MYO1D: variants seen among roughly 807,000 people sequenced by gnomAD.
The protein encoded by MYO1D is unconventional myosin-Id.
Under a neutral mutation model 122.0 loss-of-function variants are expected in MYO1D, and 83 were observed. That is an observed-to-expected ratio of 0.68 (90% CI 0.57 to 0.82). The LOEUF (loss-of-function observed/expected upper bound fraction) is 0.82. MYO1D is among the 40% of genes least tolerant of loss of function. MYO1D has a pLI of 0.00. For synonymous variants in MYO1D, 464 were observed against 446.9 expected (o/e 1.04, Z -0.48); for missense variants, 1,157 against 1,269.5 (o/e 0.91, Z 1.35).
intron 16 of MYO1D, among the ~76,000 whole-genome samples, chr17:32,706,790 G>A (rs1303478617): frequency 1.3e-5 from 2 of 151,930 alleles, no homozygotes; most frequent in Non-Finnish European, 2.9e-5. Flanking sequence ...TCCGCCTCCC[G>A]GGTTCACGCC....
At chr17:32,614,099 CTG>C (rs1482874615) in intron 20 of MYO1D, among the ~76,000 whole-genome samples, 40 of 112,312 alleles carry the variant, frequency 3.6e-4, no homozygotes, top group African/African-American at 1.2e-3. Flanking sequence ...TTTTTTAACT[CTG>C]GAGCATCTTT....
chr17:32,650,848 T>C (rs1319058748), intron 19 of MYO1D, among the ~76,000 whole-genome samples: 4 of 152,242 alleles, frequency 2.6e-5, no homozygotes, highest in Non-Finnish European at 5.9e-5. Flanking sequence ...ACCTTGTCTG[T>C]TAATTCTATC....
In MYO1D at chr17:32,494,897, T is replaced by G. The variant is rs751864493; in HGVS notation, c.2883A>C (p.Gln961His). Residue 961 changes from glutamine (Q) to histidine (H), a missense_variant, in exon 22 of 22, where the codon CAA becomes CAC. Transcript: ENST00000318217. ...NHFKSEKRHLQVNVTNPVQCS... is the reference protein window; with the variant it reads ...NHFKSEKRHLHVNVTNPVQCS... ...ACTGTACTGGGTTGGTGACGTTCAC[T>G]TGAAGGTGGCGCTTCTCACTGCAGG... The G allele has an allele frequency of 6.2e-6, 10 of 1,603,088 alleles. No individual in the cohort carries two copies. Among genetic ancestry groups the G allele is most frequent in the East Asian group, 2.3e-5 (1 of 44,208 alleles).
At position 32,522,877 on chromosome 17, in the gene MYO1D, T is replaced by C. The variant is rs900379138; in HGVS notation, c.2865-27962A>G. On this transcript the variant is annotated intron_variant, in intron 21 of 21. Transcript: ENST00000318217. Reference sequence around the variant, plus strand: ...TGTCGCCCAGGCTGGAGTGCAGTGGTGCGATCTCGGCTCACTGCAAGCTCC... The same window carrying C: ...TGTCGCCCAGGCTGGAGTGCAGTGGCGCGATCTCGGCTCACTGCAAGCTCC... Among the ~76,000 whole-genome samples the C allele has an allele frequency of 8.8e-4, 133 of 150,448 alleles. 1 individual carries two copies. Among genetic ancestry groups the C allele is most frequent in the Admixed American group, 2.1e-3 (32 of 15,072 alleles).
intron 16 of MYO1D, among the ~76,000 whole-genome samples, chr17:32,671,520 TAAAAC>T (rs1051493053): frequency 2.0e-5 from 3 of 152,230 alleles, no homozygotes; most frequent in African/African-American, 7.2e-5. Context: ...TATTTCAAAA[TAAAAC>T]AACAGGTATC....
At chr17:32,603,490 C>A (rs1367849299) in intron 21 of MYO1D, among the ~76,000 whole-genome samples, 2 of 150,348 alleles carry the variant, frequency 1.3e-5, no homozygotes, top group Non-Finnish European at 3.0e-5. Flanking sequence ...TGCAGAGATG[C>A]CTTCTTTATG....
chr17:32,805,611 TC>T (rs1476575243), intron 1 of MYO1D, among the ~76,000 whole-genome samples: 1 of 151,652 alleles, frequency 6.6e-6, no homozygotes, highest in African/African-American at 2.4e-5. Context: ...AATCAAACCA[TC>T]AAAATTAGAC....
intron 13 of MYO1D, among the ~76,000 whole-genome samples, chr17:32,744,840 A>C (rs946843904): frequency 6.6e-6 from 1 of 152,204 alleles, no homozygotes; most frequent in African/African-American, 2.4e-5. Flanking sequence ...GGGTGAAGAC[A>C]CTACAGTGGG....
At position 32,721,031 on chromosome 17, in the gene MYO1D, A is replaced by G. The variant is rs755379827; in HGVS notation, c.1905T>C (p.Phe635=). 12 of 1,613,986 alleles carry G rather than the reference A, an allele frequency of 7.4e-6. No individual in the cohort carries two copies. In the Admixed American group the frequency reaches 1.0e-4, roughly 13 times the overall value. Residue 635 remains phenylalanine (F), a synonymous_variant, in exon 15 of 22, where the codon TTT becomes TTC. Transcript: ENST00000318217. ...GFAFRQTYEK[F]LHRYKMISEF... is the part of the protein sequence containing the mutation. ...GACGAGTCTATTCTCACCTGTGAAG[A>G]AACTTCTCGTATGTCTGGCGGAAGG...
chr17:32,496,298 G>A (rs1199158277), intron 21 of MYO1D: 1 of 152,292 alleles, frequency 6.6e-6, no homozygotes, highest in African/African-American at 2.4e-5. Flanking sequence ...AGAGGTAAGT[G>A]CGGGGTGCTC....
At chr17:32,524,052 G>A (rs1910252487) in intron 21 of MYO1D, among the ~76,000 whole-genome samples, 1 of 152,214 alleles carries the variant, frequency 6.6e-6, no homozygotes, top group Non-Finnish European at 1.5e-5. Flanking sequence ...AGCATGTGCT[G>A]CTGCTATTAT....
At chr17:32,610,651 T>C (rs61097885) in intron 20 of MYO1D, among the ~76,000 whole-genome samples, 46,698 of 152,096 alleles carry the variant, frequency 0.31, 7,383 homozygotes, top group South Asian at 0.37. Flanking sequence ...GATCAAATAG[T>C]AGCAACTCTG....
rs904232117 is a variant in MYO1D, at chr17:32,662,578, C to A, written c.2122-3240G>T. Among the ~76,000 whole-genome samples the A allele has an allele frequency of 6.6e-5, 10 of 152,078 alleles. No individual in the cohort carries two copies. The South Asian group carries it at 1.2e-3, about 19-fold the overall frequency. ...ATTCCAGCTACTCGTGAGGCTGAGGCAGGAGAATCGCCTGAACCTGGGAAG... is the reference window on the plus strand; with the variant it reads ...ATTCCAGCTACTCGTGAGGCTGAGGAAGGAGAATCGCCTGAACCTGGGAAG... On this transcript the variant is annotated intron_variant, in intron 16 of 21. Coordinates refer to ENST00000318217, the MANE Select transcript of MYO1D (RefSeq NM_015194.3).
intron 20 of MYO1D, among the ~76,000 whole-genome samples, chr17:32,610,838 T>G (rs1223194134): frequency 6.6e-6 from 1 of 152,202 alleles, no homozygotes; most frequent in Admixed American, 6.5e-5. Flanking sequence ...ACTACCTCAT[T>G]GCATTTGGGC....
At chr17:32,659,554 A>T (rs1278430141) in intron 16 of MYO1D, 2 of 576,546 alleles carry the variant, frequency 3.5e-6, no homozygotes, top group African/African-American at 3.7e-5. Flanking sequence ...CTAGCTGCTC[A>T]TTATTCTACA....
intron 1 of MYO1D, among the ~76,000 whole-genome samples, chr17:32,840,639 C>G (rs2090871405): frequency 6.6e-6 from 1 of 152,232 alleles, no homozygotes; most frequent in Admixed American, 6.5e-5. Context: ...CTTCTCTACT[C>G]TTTTCTACTC....
chr17:32,602,822 T>C (rs2087577811), intron 21 of MYO1D: 1 of 152,196 alleles, frequency 6.6e-6, no homozygotes, highest in Non-Finnish European at 1.5e-5. Context: ...AATAAGATTA[T>C]GTGCCACAAC....
intron 20 of MYO1D, among the ~76,000 whole-genome samples, chr17:32,632,087 A>C (rs930035158): frequency 6.6e-6 from 1 of 152,118 alleles, no homozygotes; most frequent in African/African-American, 2.4e-5. Context: ...CTTGCACCCA[A>C]TTATAGCTCC....
chr17:32,746,983 G>C (rs1376849791), intron 12 of MYO1D, among the ~76,000 whole-genome samples: 1 of 152,192 alleles, frequency 6.6e-6, no homozygotes, highest in Non-Finnish European at 1.5e-5. Context: ...TGGTATGAAA[G>C]TACCCTGTAA....
Sources: allele counts gnomAD v4.1 joint callset (sites outside exome capture counted in the v4.1 genomes callset), GRCh38; gene constraint gnomAD v4.1.1; transcripts MANE v1.5; gene names NCBI Gene and HGNC (gene_info 2026-07-23, HGNC 2026-07-21).